ANK2: variants seen among roughly 807,000 people sequenced by gnomAD.
The protein encoded by ANK2 is ankyrin 2, also known as ankyrin-2.
ANK2 carries 83 observed loss-of-function variants against 360.5 expected under a neutral mutation model. The ratio of observed to expected loss-of-function variants is 0.23; its 90% CI spans 0.19 to 0.28. The LOEUF is 0.28. Among genes scored for constraint, ANK2 ranks in the 10% least tolerant of loss-of-function variants. The probability of loss-of-function intolerance (pLI) is 1.00; values close to 1 mark genes in which losing one functional copy is unlikely to be tolerated. For missense variants in ANK2, 4,201 were observed against 4,795.7 expected, an observed-to-expected ratio of 0.88 and a Z score of 3.66; for synonymous variants, 1,740 against 1,759.5, an observed-to-expected ratio of 0.99 and a Z score of 0.28.
intron 1 of ANK2, among the ~76,000 whole-genome samples, chr4:113,116,712 G>GCGGCAGCAGCAGCAA (rs2094828380): frequency 1.3e-5 from 2 of 152,226 alleles, no homozygotes; most frequent in Non-Finnish European, 2.9e-5. Flanking sequence ...AGCAGCAGCA[G>GCGGCAGCAGCAGCAA]CAGCAGCAGC....
At chr4:112,995,850 A>T (rs1407930104) in intron 2 of ANK2, among the ~76,000 whole-genome samples, 3 of 152,186 alleles carry the variant, frequency 2.0e-5, no homozygotes, top group Non-Finnish European at 4.4e-5. Context: ...TGGAATGTTG[A>T]TGAGTATTCC....
chr4:113,240,427 T>A (rs2039154309), intron 7 of ANK2, 58 bp from the exon 8 acceptor site: 1 of 1,312,024 alleles, frequency 7.6e-7, no homozygotes, highest in Admixed American at 1.7e-5. Flanking sequence ...ACTAATACAA[T>A]GGCTGCAACA....
In ANK2 at chr4:113,195,509, T is replaced by TGTTTTAC. The variant is rs2098734672; in HGVS notation, c.187-859_187-858insGTTTTAC. 2.0e-5 allele frequency among the ~76,000 whole-genome samples: 3 copies of TGTTTTAC among 152,298 alleles called. No individual in the cohort carries two copies. The South Asian group carries it at 6.2e-4, about 32-fold the overall frequency. ...AACATTTTGTAGCATTACTTGGGTC[T>TGTTTTAC]ATATGATATGTGTAAAACAGTGTAT... On this transcript the variant is annotated intron_variant, in intron 2 of 45. Transcript: ENST00000357077.
At chr4:112,870,790 A>G (rs1306715432) in intron 1 of ANK2, among the ~76,000 whole-genome samples, 1 of 152,180 alleles carries the variant, frequency 6.6e-6, no homozygotes, top group Non-Finnish European at 1.5e-5. Context: ...TTACAATTCT[A>G]TGTAAATTTT....
intron 1 of ANK2, among the ~76,000 whole-genome samples, chr4:113,137,456 G>T (rs1346457544): frequency 6.6e-6 from 1 of 152,180 alleles, no homozygotes; most frequent in African/African-American, 2.4e-5. Flanking sequence ...TGGGCCAGGA[G>T]CAGGTTTGAG....
intron 43 of ANK2, among the ~76,000 whole-genome samples, chr4:113,370,552 G>A (rs2154068972): frequency 6.6e-6 from 1 of 152,220 alleles, no homozygotes; most frequent in African/African-American, 2.4e-5. Flanking sequence ...GAGGTCAGGA[G>A]ATCGAGACCA....
At chr4:113,262,486 T>C (rs146517448) in intron 13 of ANK2, among the ~76,000 whole-genome samples, 1 of 152,262 alleles carries the variant, frequency 6.6e-6, no homozygotes, top group East Asian at 1.9e-4. Flanking sequence ...TGCCTTGGCC[T>C]CCCAAAGTGC....
intron 11 of ANK2, among the ~76,000 whole-genome samples, chr4:113,257,584 A>T (rs1237586023): frequency 6.6e-6 from 1 of 152,232 alleles, no homozygotes; most frequent in African/African-American, 2.4e-5. Context: ...CAAAGTTGAA[A>T]TATTTCTTAC....
chr4:112,739,059 A>G, the ANK2 span: 1 of 566,366 alleles, frequency 1.8e-6, no homozygotes, highest in Non-Finnish European at 3.4e-6. Context: ...GCTGGCCATC[A>G]GAGTCACCAA....
In ANK2 at chr4:113,319,471, AT is replaced by A. The variant is rs1471113894; in HGVS notation, c.2900+855del. Among the ~76,000 whole-genome samples, 15 of 151,568 alleles carry A rather than the reference AT, an allele frequency of 9.9e-5. 1 individual carries two copies. The highest frequency in any genetic ancestry group is 9.8e-4 in the Admixed American group (15 of 15,234). ...CTATATATCAAAATGCAATATTTTG[AT>A]TTTAATTATTATCCCCAAATCCTTA... On this transcript the variant is annotated intron_variant, in intron 26 of 45. Coordinates refer to ENST00000357077, the MANE Select transcript of ANK2 (RefSeq NM_001148.6).
At chr4:113,196,113 T>C (rs960915513) in intron 2 of ANK2, among the ~76,000 whole-genome samples, 2 of 152,232 alleles carry the variant, frequency 1.3e-5, no homozygotes, top group African/African-American at 4.8e-5. Flanking sequence ...TAGAGATTTC[T>C]TCGTTTAAAA....
intron 8 of ANK2, among the ~76,000 whole-genome samples, chr4:113,240,941 C>T (rs1220092379): frequency 6.6e-6 from 1 of 152,078 alleles, no homozygotes; most frequent in Non-Finnish European, 1.5e-5. Context: ...AGTAGCATGT[C>T]TTATGATGAC....
the ANK2 span, among the ~76,000 whole-genome samples, chr4:112,718,070 C>G: frequency 1.3e-5 from 2 of 152,208 alleles, no homozygotes; most frequent in Non-Finnish European, 2.9e-5. Flanking sequence ...CATATTCTTG[C>G]CTTCTTCCTT....
intron 1 of ANK2, among the ~76,000 whole-genome samples, chr4:113,117,773 T>C (rs1026481716): frequency 7.2e-5 from 11 of 152,232 alleles, no homozygotes; most frequent in African/African-American, 2.7e-4. Context: ...AGGGTTAAAG[T>C]ATTTTCTTCT....
At chr4:113,253,501 G>A (rs1182860082) in intron 10 of ANK2, among the ~76,000 whole-genome samples, 1 of 152,082 alleles carries the variant, frequency 6.6e-6, no homozygotes, top group African/African-American at 2.4e-5. Flanking sequence ...TCAAAATTAA[G>A]CACTGGATAT....
Position 113,373,173 on chromosome 4 carries a change from GGTATTGTCTA to G in ANK2, c.11694+5_11694+14del. 1 of 1,613,840 alleles carries G rather than the reference GGTATTGTCTA, an allele frequency of 6.2e-7. No homozygotes were observed. Among genetic ancestry groups the G allele is most frequent in the South Asian group, 1.1e-5 (1 of 91,084 alleles). On this transcript the variant is annotated splice_donor_variant and splice_donor_5th_base_variant and intron_variant, in intron 44 of 45. Coordinates refer to ENST00000357077, the MANE Select transcript of ANK2 (RefSeq NM_001148.6). LOFTEE classifies it high-confidence loss of function. The stretch of plus-strand genomic sequence containing the variant: ...AGCATGGACACACCGTGGTAAAGAA[GGTATTGTCTA>G]GTATATCCTAACAGGGTTGATTACA...
intron 1 of ANK2, among the ~76,000 whole-genome samples, chr4:113,059,002 C>A (rs2071665106): frequency 6.6e-6 from 1 of 152,136 alleles, no homozygotes; most frequent in African/African-American, 2.4e-5. Context: ...TCCTGGTTCA[C>A]AGATGATGCC....
intron 1 of ANK2, among the ~76,000 whole-genome samples, chr4:112,856,735 A>G (rs1409390512): frequency 1.3e-5 from 2 of 152,240 alleles, no homozygotes; most frequent in African/African-American, 4.8e-5. Flanking sequence ...CTCAAAAAAC[A>G]AAAAAGTGTA....
At chr4:112,963,895 A>C (rs2035987989) in intron 2 of ANK2, among the ~76,000 whole-genome samples, 1 of 151,970 alleles carries the variant, frequency 6.6e-6, no homozygotes, top group South Asian at 2.1e-4. Flanking sequence ...GTAGCCAACT[A>C]TTTATAGTTA....
Sources: gnomAD v4.1 joint callset for allele counts (sites outside exome capture counted in the v4.1 genomes callset) on GRCh38, gnomAD v4.1.1 for gene constraint, MANE v1.5 for transcripts, NCBI Gene and HGNC (gene_info 2026-07-23, HGNC 2026-07-21) for gene names.